The following ERGIC1 variants were observed in gnomAD, a reference collection of about 807,000 sequenced individuals.
The protein encoded by ERGIC1 is endoplasmic reticulum-golgi intermediate compartment 1.
A neutral mutation model predicts 38.3 loss-of-function variants in ERGIC1; 19 were observed. The ratio of observed to expected loss-of-function variants is 0.50; its 90% CI spans 0.35 to 0.73. The LOEUF (loss-of-function observed/expected upper bound fraction) is 0.73. ERGIC1 is among the 30% of genes least tolerant of loss of function. ERGIC1 has a pLI of 0.01. For synonymous variants in ERGIC1, 124 were observed against 157.6 expected (o/e 0.79, Z 1.60); for missense variants, 294 against 389.2 (o/e 0.76, Z 2.06).
At chr5:172,875,179 AG>A (rs1456105151) in intron 1 of ERGIC1, among the ~76,000 whole-genome samples, 2 of 152,182 alleles carry the variant, frequency 1.3e-5, no homozygotes, top group Non-Finnish European at 2.9e-5. Flanking sequence ...GTAGCAGAAA[AG>A]TGGACTAGAA....
chr5:172,950,987 C>A lies in ERGIC1; in HGVS notation c.*171C>A, dbSNP rs902686282. The A allele has an allele frequency of 1.9e-6, 1 of 539,782 alleles. No individual in the cohort carries two copies. Among genetic ancestry groups the A allele is most frequent in the Non-Finnish European group, 3.2e-6 (1 of 311,716 alleles). The allele number at this position is 539,782 out of a possible 1,614,324, so 33.4% of individuals were successfully genotyped here. ...CGATGTTTTGCAGCTACCTCTTTTC[C>A]CCGTGTTTCTTTTTAGACAAATTAC... is the stretch of plus-strand genomic sequence containing the variant. On this transcript the variant is annotated 3_prime_UTR_variant, in exon 10 of 10. Coordinates refer to ENST00000393784, the MANE Select transcript of ERGIC1 (RefSeq NM_001031711.3).
intron 3 of ERGIC1, among the ~76,000 whole-genome samples, chr5:172,897,300 G>T (rs185593938): frequency 5.3e-4 from 81 of 152,082 alleles, no homozygotes; most frequent in Admixed American, 3.5e-3. Context: ...GTGGTGGCGG[G>T]CACCTATAAT....
Position 172,926,999 on chromosome 5 carries a change from C to T in ERGIC1, c.541+430C>T, listed in dbSNP as rs575037646. On this transcript the variant is annotated intron_variant, in intron 7 of 9. Transcript: ENST00000393784. This position sits in a 1 kb window ranked among gnomAD's most constrained non-coding sequence, Gnocchi z 5.2. ...TGACCACATGGCTGCCTCCCCCACA[C>T]CTCACTCTCCTCCTGCTCAGACTCC... is the stretch of plus-strand genomic sequence containing the variant. The T allele has an allele frequency of 2.2e-4, 42 of 190,770 alleles. No individual in the cohort carries two copies. The highest frequency in any genetic ancestry group is 1.0e-3 in the Admixed American group (18 of 17,972). 11.8% of individuals were successfully genotyped at this position (190,770 alleles called of 1,614,324 possible). A position where few individuals can be genotyped will look rare whatever the true frequency, so the allele number is the denominator to read the frequency against.
intron 1 of ERGIC1, among the ~76,000 whole-genome samples, chr5:172,865,051 C>CTTTTTTT (rs55657045): frequency 1.1e-5 from 1 of 93,852 alleles, no homozygotes. Flanking sequence ...GAAAGAAATT[C>CTTTTTTT]TTTTTTTTTT....
At chr5:172,943,426 G>T (rs139014846) in intron 9 of ERGIC1, among the ~76,000 whole-genome samples, 3 of 151,408 alleles carry the variant, frequency 2.0e-5, no homozygotes, top group African/African-American at 7.3e-5. Flanking sequence ...CACGACTTTG[G>T]TGTTCTCATC....
In ERGIC1 at chr5:172,854,413, T is replaced by G. The variant is rs79052718; in HGVS notation, c.20+19980T>G. ...AAAAAAAGAAACTACAGCAGACCCTTGAATAATGTTTTGTTATAAAACATT... is the reference window on the plus strand; with the variant it reads ...AAAAAAAGAAACTACAGCAGACCCTGGAATAATGTTTTGTTATAAAACATT... On this transcript the variant is annotated intron_variant, in intron 1 of 9. Coordinates refer to ENST00000393784, the MANE Select transcript of ERGIC1 (RefSeq NM_001031711.3). 3.1e-3 allele frequency among the ~76,000 whole-genome samples: 479 copies of G among 152,264 alleles called. 2 individuals carry two copies. Among genetic ancestry groups the G allele is most frequent in the African/African-American group, 0.011 (459 of 41,530 alleles).
intron 3 of ERGIC1, among the ~76,000 whole-genome samples, chr5:172,904,024 C>G (rs1481659293): frequency 6.6e-6 from 1 of 152,158 alleles, no homozygotes; most frequent in Non-Finnish European, 1.5e-5. Context: ...CTCACTCACT[C>G]TCCTGCCCTG....
intron 1 of ERGIC1, among the ~76,000 whole-genome samples, chr5:172,864,542 A>G (rs547961207): frequency 1.1e-3 from 173 of 152,196 alleles, no homozygotes; most frequent in Middle Eastern, 0.01. Context: ...TACCACATTT[A>G]GGAGAGTATT....
At chr5:172,906,266 G>A (rs1347296574) in intron 3 of ERGIC1, 1 of 432,034 alleles carries the variant, frequency 2.3e-6, no homozygotes. Context: ...GCTGAGGAGA[G>A]GGCTGGGAGG....
At chr5:172,889,600 A>G (rs1762509770) in intron 2 of ERGIC1, among the ~76,000 whole-genome samples, 1 of 152,164 alleles carries the variant, frequency 6.6e-6, no homozygotes, top group Non-Finnish European at 1.5e-5. Context: ...GAGTAATAAA[A>G]TAAATAATGA....
chr5:172,901,420 G>C (rs911439926), intron 3 of ERGIC1, among the ~76,000 whole-genome samples: 4 of 152,132 alleles, frequency 2.6e-5, no homozygotes, highest in Non-Finnish European at 5.9e-5. Context: ...TGACTGCCCA[G>C]TCTCTGACTG....
intron 5 of ERGIC1, chr5:172,920,575 G>A (rs746489209): frequency 2.7e-5 from 17 of 631,876 alleles, no homozygotes; most frequent in Admixed American, 7.3e-5. Context: ...CTCTAAAAGC[G>A]TTGCTGTTTC....
chr5:172,870,769 C>T (rs1374932641), intron 1 of ERGIC1, among the ~76,000 whole-genome samples: 1 of 152,192 alleles, frequency 6.6e-6, no homozygotes, highest in Admixed American at 6.5e-5. Flanking sequence ...TTCCTCCCCG[C>T]CTGCCTGCCT....
At chr5:172,897,215 G>T (rs1296603512) in intron 3 of ERGIC1, 141 bp downstream of exon 3, 1 of 695,902 alleles carries the variant, frequency 1.4e-6, no homozygotes. Flanking sequence ...GATCACCTGA[G>T]GTCAGGAGTT....
chr5:172,899,082 C>G (rs922566376), intron 3 of ERGIC1, among the ~76,000 whole-genome samples: 1 of 152,152 alleles, frequency 6.6e-6, no homozygotes, highest in African/African-American at 2.4e-5. Flanking sequence ...CAGAGGCACA[C>G]ATGTGTCATC....
In ERGIC1 at chr5:172,913,586, C is replaced by T. The variant is rs184126512; in HGVS notation, c.251-1128C>T. ...TCCCAATTTTCCCTTTTAAGGTTGT[C>T]CCTCTTTAAAATTGCTTCCAGCTGT... On this transcript the variant is annotated intron_variant, in intron 4 of 9. Coordinates refer to ENST00000393784, the MANE Select transcript of ERGIC1 (RefSeq NM_001031711.3). 1.0e-3 allele frequency among the ~76,000 whole-genome samples: 158 copies of T among 152,316 alleles called. 1 individual carries two copies. The Middle Eastern group carries it at 0.017, about 16-fold the overall frequency.
rs1299272328 is a variant in ERGIC1, at chr5:172,909,775, G to A, written c.250+14G>A. 3.0e-5 allele frequency: 48 copies of A among 1,610,830 alleles called. No homozygotes were observed. The highest frequency in any genetic ancestry group is 3.7e-5 in the Non-Finnish European group (43 of 1,177,122). ...TGCACTGCGAGTGTGAGTACTCCAC[G>A]CAGCCCCTCCCTCCAGCAGGACACC... On this transcript the variant is annotated intron_variant, in intron 4 of 9. Transcript: ENST00000393784.
intron 1 of ERGIC1, among the ~76,000 whole-genome samples, chr5:172,865,579 CT>C (rs930123013): frequency 2.6e-5 from 4 of 152,222 alleles, no homozygotes; most frequent in African/African-American, 9.6e-5. Context: ...GTGCACACCA[CT>C]TTCAGTACCC....
At chr5:172,858,492 C>G (rs1037638375) in intron 1 of ERGIC1, among the ~76,000 whole-genome samples, 1 of 152,222 alleles carries the variant, frequency 6.6e-6, no homozygotes, top group Admixed American at 6.5e-5. Flanking sequence ...TCGTCAGTCA[C>G]ACGCTAGAGG....
Sources: gnomAD v4.1 joint callset for allele counts (sites outside exome capture counted in the v4.1 genomes callset) on GRCh38, gnomAD v4.1.1 for gene constraint, Gnocchi (gnomAD v3.1) non-coding constraint, MANE v1.5 for transcripts, NCBI Gene and HGNC (gene_info 2026-07-23, HGNC 2026-07-21) for gene names.